Variants in FAM151A observed in about 807,000 individuals in gnomAD.
FAM151A encodes family with sequence similarity 151 member A.
A neutral mutation model predicts 40.4 loss-of-function variants in FAM151A; 41 were observed. The ratio of observed to expected loss-of-function variants is 1.01; its 90% CI spans 0.79 to 1.32. The LOEUF is 1.32. Among genes scored for constraint, FAM151A ranks in the 40% most tolerant of loss-of-function variants. The pLI is 0.00. For missense variants in FAM151A, 740 were observed against 740.4 expected, an observed-to-expected ratio of 1.00 and a Z score of 0.01; for synonymous variants, 337 against 312.5, an observed-to-expected ratio of 1.08 and a Z score of -0.83.
chr1:54,616,570 C>T (rs1435921482), intron 2 of FAM151A, among the ~76,000 whole-genome samples: 1 of 152,024 alleles, frequency 6.6e-6, no homozygotes, highest in East Asian at 1.9e-4. Flanking sequence ...CGGGGTTTCA[C>T]CATATTGGCC....
chr1:54,623,477 G>GCCTCCCA lies in FAM151A; in HGVS notation c.-83_-82insTGGGAGG. 9.8e-7 allele frequency: 1 copy of GCCTCCCA among 1,018,900 alleles called. No homozygotes were observed. The highest frequency in any genetic ancestry group is 1.5e-6 in the Non-Finnish European group (1 of 655,284). 63.1% of individuals were successfully genotyped at this position (1,018,900 alleles called of 1,614,324 possible). A position where few individuals can be genotyped will look rare whatever the true frequency, so the allele number is the denominator to read the frequency against. On this transcript the variant is annotated 5_prime_UTR_variant, in exon 1 of 8. Coordinates refer to ENST00000302250, the MANE Select transcript of FAM151A (RefSeq NM_176782.3). ...CCCTGCAGCTGGAATCCTGTGGGAG[G>GCCTCCCA]CAGGAGCTCCCAGCAGCACCTAATT...
At chr1:54,618,872 G>T (rs563027411) in intron 2 of FAM151A, among the ~76,000 whole-genome samples, 167 of 152,234 alleles carry the variant, frequency 1.1e-3, no homozygotes, top group African/African-American at 3.9e-3. Flanking sequence ...TCATCTACAA[G>T]AATTAAATAA....
intron 1 of FAM151A, 57 bp downstream of exon 1, chr1:54,623,221 G>A: frequency 8.7e-7 from 1 of 1,146,434 alleles, no homozygotes; most frequent in Non-Finnish European, 1.3e-6. Flanking sequence ...GAGAAGTGGG[G>A]ATAAGGAGCG....
Position 54,611,686 on chromosome 1 carries a change from T to C in FAM151A, c.860A>G (p.Tyr287Cys). Residue 287 changes from tyrosine to cysteine, a missense_variant, in exon 6 of 8, where the codon TAC becomes TGC. Tyr to Cys is a radical substitution (Grantham distance 194, BLOSUM62 -2). Transcript: ENST00000302250. ...GTGGACAGCAGTGTTATCCCGGACG[T>C]AGAGCAGATCTTCCACCGACATGGG... ...SDPMSVEDLL[Y>C]VRDNTAVHQV... 6.2e-7 allele frequency: 1 copy of C among 1,614,018 alleles called. No individual in the cohort carries two copies. Among genetic ancestry groups the C allele is most frequent in the African/African-American group, 1.3e-5 (1 of 74,996 alleles).
At chr1:54,619,736 C>T (rs1557673860) in intron 2 of FAM151A, 128 bp downstream of exon 2, 5 of 956,644 alleles carry the variant, frequency 5.2e-6, no homozygotes, top group Non-Finnish European at 6.3e-6. Context: ...GCCCCTATTT[C>T]CTCATGCTGA....
rs746311498 is a variant in FAM151A at position 54,609,460 on chromosome 1, A to C, written c.1566T>G (p.Ala522=). ...ATGCCAGCAGCCTGCCTATGGCTCC[A>C]GCTGTGCTGTGGCCCAGCAGCATGG... The part of the protein sequence containing the change: ...MQAMLLGHST[A]GAIGRLLASS... The change falls in exon 8 of 8, where the codon GCT becomes GCG. Residue 522 remains alanine (A), a synonymous_variant. Transcript: ENST00000302250. 6 of 1,613,402 alleles carry C rather than the reference A, an allele frequency of 3.7e-6. No homozygotes were observed. The highest frequency in any genetic ancestry group is 4.2e-6 in the Non-Finnish European group (5 of 1,179,992).
rs768533521 is a variant in FAM151A at position 54,611,751 on chromosome 1, GAC to G, written c.801-8_801-7del. 2 of 1,613,968 alleles carry G rather than the reference GAC, an allele frequency of 1.2e-6. No individual in the cohort carries two copies. The highest frequency in any genetic ancestry group is 1.7e-5 in the Admixed American group (1 of 60,014). Reference sequence around the variant, plus strand: ...GCCACAGCGTCAGGCTGTACCTGGGGACACGAGAGCTGGCTCAGTGCCTGTCT... The same window carrying G: ...GCCACAGCGTCAGGCTGTACCTGGGGACGAGAGCTGGCTCAGTGCCTGTCT... On this transcript the variant is annotated splice_region_variant and splice_polypyrimidine_tract_variant and intron_variant, in intron 5 of 7. Coordinates refer to ENST00000302250, the MANE Select transcript of FAM151A (RefSeq NM_176782.3).
At chr1:54,610,351 C>G in intron 7 of FAM151A, 61 bp downstream of exon 7, 5 of 1,583,752 alleles carry the variant, frequency 3.2e-6, no homozygotes, top group Non-Finnish European at 3.4e-6. Context: ...GGTACCTGCC[C>G]CAAGCAAAGG....
In FAM151A at chr1:54,610,261, C is replaced by G; in HGVS notation, c.1084+151G>C. On this transcript the variant is annotated intron_variant, in intron 7 of 7. Coordinates refer to ENST00000302250, the MANE Select transcript of FAM151A (RefSeq NM_176782.3). Reference sequence around the variant, plus strand: ...CTCTTGACATCACTGTACTCCCTCTCCCTCCCCGCAACCCTGCCCCACCTT... The same window carrying G: ...CTCTTGACATCACTGTACTCCCTCTGCCTCCCCGCAACCCTGCCCCACCTT... The G allele has an allele frequency of 6.1e-6, 9 of 1,475,734 alleles. No individual in the cohort carries two copies. In the South Asian group the frequency reaches 1.1e-4, roughly 18 times the overall value. The allele number at this position is 1,475,734 out of a possible 1,614,324, so 91.4% of individuals were successfully genotyped here.
intron 2 of FAM151A, among the ~76,000 whole-genome samples, chr1:54,618,776 G>A (rs765872873): frequency 2.0e-5 from 3 of 152,150 alleles, no homozygotes; most frequent in Non-Finnish European, 4.4e-5. Context: ...ACCGTGAATT[G>A]ACACTGCTAG....
chr1:54,612,772 G>T (rs766396499), intron 4 of FAM151A, 62 bp from the exon 5 acceptor site: 266 of 1,298,224 alleles, frequency 2.0e-4, no homozygotes, highest in Non-Finnish European at 2.8e-4. Flanking sequence ...TCTCCTCTGG[G>T]GTCTCATCAC....
At chr1:54,611,141 A>G (rs1160326548) in intron 6 of FAM151A, 2 of 632,042 alleles carry the variant, frequency 3.2e-6, no homozygotes, top group Admixed American at 6.3e-5. Flanking sequence ...TTCTCTATAA[A>G]ATGAATGTGT....
intron 3 of FAM151A, among the ~76,000 whole-genome samples, chr1:54,615,262 TAG>T (rs1001761573): frequency 4.7e-4 from 72 of 151,808 alleles, no homozygotes; most frequent in African/African-American, 1.6e-3. Context: ...TGCATTTGAG[TAG>T]AGGAGGAGAT....
rs751838721 is a variant in FAM151A, at chr1:54,609,906, C to T, written c.1120G>A (p.Glu374Lys). The change falls in exon 8 of 8, where the codon GAG (glutamate) becomes AAG (lysine). Residue 374 changes from glutamate (E) to lysine (K), a missense_variant. Transcript: ENST00000302250. Reference protein sequence around the residue: ...EGMILLNTGLEGTVAENPVPI... With the variant: ...EGMILLNTGLKGTVAENPVPI... ...ACGGGGTTTTCAGCCACAGTTCCCTCGAGGCCAGTGTTCAGCAGGATCATG... is the reference window on the plus strand; with the variant it reads ...ACGGGGTTTTCAGCCACAGTTCCCTTGAGGCCAGTGTTCAGCAGGATCATG... 1.6e-5 allele frequency: 25 copies of T among 1,610,016 alleles called. No individual in the cohort carries two copies. Among genetic ancestry groups the T allele is most frequent in the East Asian group, 2.2e-5 (1 of 44,878 alleles).
At chr1:54,616,598 C>G (rs1021205864) in intron 2 of FAM151A, among the ~76,000 whole-genome samples, 2 of 152,132 alleles carry the variant, frequency 1.3e-5, no homozygotes, top group African/African-American at 4.8e-5. Context: ...TCTCAGAACT[C>G]CTGACCTCAA....
chr1:54,618,786 G>T (rs751176195), intron 2 of FAM151A, among the ~76,000 whole-genome samples: 5 of 152,288 alleles, frequency 3.3e-5, no homozygotes, highest in Non-Finnish European at 7.3e-5. Flanking sequence ...GACACTGCTA[G>T]CTTCCAGTCC....
chr1:54,614,961 C>CGT, intron 3 of FAM151A, 102 bp from the exon 4 acceptor site: 114 of 1,196,796 alleles, frequency 9.5e-5, no homozygotes, highest in Non-Finnish European at 1.2e-4. Context: ...TGTGCATGTG[C>CGT]GTGCACAGTG....
At position 54,610,527 on chromosome 1, in the gene FAM151A, G is replaced by A; in HGVS notation, c.969C>T (p.Tyr323=). Residue 323 remains tyrosine (Y), a synonymous_variant, in exon 7 of 8, where the codon TAC becomes TAT. Coordinates refer to ENST00000302250, the MANE Select transcript of FAM151A (RefSeq NM_176782.3). ...GAAGAGGGATCAGGCTGCCTCCCGT[G>A]TAGTACATTGGTTTCCGTGTGGCAT... ...ALNATRKPMY[Y]TGGSLIPLLQ... 6.2e-7 allele frequency: 1 copy of A among 1,613,340 alleles called. No homozygotes were observed. The highest frequency in any genetic ancestry group is 8.5e-7 in the Non-Finnish European group (1 of 1,179,578).
At chr1:54,612,402 GA>G in intron 5 of FAM151A, 83 bp downstream of exon 5, 1 of 991,936 alleles carries the variant, frequency 1.0e-6, no homozygotes, top group Middle Eastern at 2.2e-4. Flanking sequence ...TGACCTTTAA[GA>G]CCCTTCCAGC....
Sources: allele counts gnomAD v4.1 joint callset (sites outside exome capture counted in the v4.1 genomes callset), GRCh38; gene constraint gnomAD v4.1.1; transcripts MANE v1.5; gene names NCBI Gene and HGNC (gene_info 2026-07-23, HGNC 2026-07-21).